Variants in BBS9 observed in about 807,000 individuals in gnomAD.
The protein encoded by BBS9 is protein PTHB1.
A neutral mutation model predicts 117.7 loss-of-function variants in BBS9; 89 were observed. That is an observed-to-expected ratio of 0.76 (90% CI 0.64 to 0.90). The LOEUF (loss-of-function observed/expected upper bound fraction) is 0.90. Ranked by LOEUF, BBS9 falls within the 40% of genes least tolerant of loss-of-function variation. The pLI is 0.00. For missense variants in BBS9, 982 were observed against 1,042.2 expected (o/e 0.94, Z 0.80); for synonymous variants, 379 against 370.9 (o/e 1.02, Z -0.25).
At chr7:33,197,346 T>C (rs942963299) in intron 5 of BBS9, among the ~76,000 whole-genome samples, 1 of 152,046 alleles carries the variant, frequency 6.6e-6, no homozygotes, top group African/African-American at 2.4e-5. Context: ...ATGAACTACT[T>C]TATTCAAGTG....
rs527379006 is a variant in BBS9 at position 33,332,643 on chromosome 7, T to C, written c.1017-3798T>C. On this transcript the variant is annotated intron_variant, in intron 9 of 22. Transcript: ENST00000242067. ...AGTGAGCTGAGATCACGCCACTGCA[T>C]TCCAGCCTGGGCAACAGAGCAAGGC... Among the ~76,000 whole-genome samples, 19 of 151,840 alleles carry C rather than the reference T, an allele frequency of 1.3e-4. No homozygotes were observed. In the East Asian group the frequency reaches 2.9e-3, roughly 23 times the overall value.
At chr7:33,188,111 T>TGTGTGTGTGTGTGTGTGTGGGGGGGGGG (rs1783443171) in intron 5 of BBS9, among the ~76,000 whole-genome samples, 1 of 4,996 alleles carries the variant, frequency 2.0e-4, no homozygotes. Flanking sequence ...TGTGTGTGTG[T>TGTGTGTGTGTGTGTGTGTGGGGGGGGGG]GGCGGGTGGG....
intron 4 of BBS9, chr7:33,157,752 C>G (rs1441696331): frequency 6.6e-6 from 1 of 152,216 alleles, no homozygotes; most frequent in African/African-American, 2.4e-5. Context: ...AGGAGCCTTT[C>G]TAAGGTCAGT....
chr7:33,411,964 G>A (rs991474319), intron 19 of BBS9, among the ~76,000 whole-genome samples: 2 of 152,002 alleles, frequency 1.3e-5, no homozygotes, highest in African/African-American at 4.8e-5. Flanking sequence ...TTACCATTGA[G>A]GATGATTATT....
chr7:33,261,818 G>A (rs765448589), intron 6 of BBS9, among the ~76,000 whole-genome samples: 25 of 152,178 alleles, frequency 1.6e-4, no homozygotes, highest in Non-Finnish European at 2.5e-4. Context: ...GTGTAGTTGC[G>A]ATTAGTGCCT....
intron 19 of BBS9, among the ~76,000 whole-genome samples, chr7:33,493,965 C>G (rs1475785668): frequency 2.0e-5 from 3 of 152,140 alleles, no homozygotes; most frequent in Non-Finnish European, 4.4e-5. Flanking sequence ...TAATCAAAAT[C>G]CATTTCTGAC....
chr7:33,581,520 C>T (rs1434753134), intron 21 of BBS9, among the ~76,000 whole-genome samples: 1 of 152,090 alleles, frequency 6.6e-6, no homozygotes, highest in African/African-American at 2.4e-5. Context: ...ATGTAACTTA[C>T]TCAGAGACTT....
At chr7:33,610,102 A>G (rs2700675), downstream of BBS9, among the ~76,000 whole-genome samples, 54,612 of 151,924 alleles carry the variant, frequency 0.36, 12,915 homozygotes, top group African/African-American at 0.67. Context: ...CTGAAGTTTA[A>G]GCCTGATTAG....
At chr7:33,519,945 G>A (rs970530721) in intron 20 of BBS9, among the ~76,000 whole-genome samples, 2 of 151,978 alleles carry the variant, frequency 1.3e-5, no homozygotes, top group African/African-American at 2.4e-5. Context: ...CCACTCATAG[G>A]GTAGTCGAGA....
At chr7:33,560,882 C>T (rs1386711973) in intron 21 of BBS9, among the ~76,000 whole-genome samples, 1 of 152,064 alleles carries the variant, frequency 6.6e-6, no homozygotes, top group Non-Finnish European at 1.5e-5. Flanking sequence ...AGCTCATTTC[C>T]TTTTGTCTTG....
intron 19 of BBS9, among the ~76,000 whole-genome samples, chr7:33,496,912 C>A (rs1167090805): frequency 6.6e-6 from 1 of 152,164 alleles, no homozygotes; most frequent in Non-Finnish European, 1.5e-5. Flanking sequence ...CAAATTGGAT[C>A]ATTTCATCCA....
intron 17 of BBS9, among the ~76,000 whole-genome samples, chr7:33,376,790 A>G (rs1173750964): frequency 1.3e-5 from 2 of 152,090 alleles, no homozygotes; most frequent in African/African-American, 4.8e-5. Flanking sequence ...AATTTCTCTA[A>G]TGATCAGTGA....
rs1338544730 is a variant in BBS9 at position 33,534,046 on chromosome 7, C to T, written c.2391C>T (p.Ser797=). Residue 797 remains serine, a synonymous_variant, in exon 21 of 23, where the codon AGC becomes AGT. Transcript: ENST00000242067. ...SSKEQALNLN[S]QLNIPKDTSQ... ...AGGAGCAGGCTTTGAACCTCAACAG[C>T]CAGCTGAACATACCCAAAGACACAA... The T allele has an allele frequency of 1.2e-6, 2 of 1,614,062 alleles. No individual in the cohort carries two copies. Among genetic ancestry groups the T allele is most frequent in the Admixed American group, 1.7e-5 (1 of 60,004 alleles).
intron 6 of BBS9, among the ~76,000 whole-genome samples, chr7:33,263,262 T>C (rs1798264424): frequency 1.3e-5 from 2 of 152,156 alleles, no homozygotes; most frequent in Admixed American, 1.3e-4. Flanking sequence ...AGTTGGTATA[T>C]GACATTTGAA....
At chr7:33,227,835 T>C (rs962363788) in intron 5 of BBS9, among the ~76,000 whole-genome samples, 3 of 152,166 alleles carry the variant, frequency 2.0e-5, no homozygotes, top group Non-Finnish European at 2.9e-5. Context: ...ATATATACCA[T>C]ATTTTCTTTA....
chr7:33,355,313 C>A lies in BBS9; in HGVS notation c.1552+2440C>A, dbSNP rs1584468499. Among the ~76,000 whole-genome samples the A allele has an allele frequency of 2.0e-5, 3 of 151,998 alleles. No individual in the cohort carries two copies. In the East Asian group the frequency reaches 5.8e-4, roughly 29 times the overall value. ...AGGTTTCCTAAGAAGGTGTAAATCC[C>A]AGTAGAAATGTGCCTCTGATGAACC... On this transcript the variant is annotated intron_variant, in intron 15 of 22. Coordinates refer to ENST00000242067, the MANE Select transcript of BBS9 (RefSeq NM_198428.3).
At chr7:33,609,783 C>A (rs76883542), downstream of BBS9, among the ~76,000 whole-genome samples, 1 of 152,160 alleles carries the variant, frequency 6.6e-6, no homozygotes. Flanking sequence ...TCTTATGACA[C>A]TGGCTTAAGT....
intron 9 of BBS9, among the ~76,000 whole-genome samples, chr7:33,324,201 A>AT (rs776302886): frequency 2.6e-5 from 4 of 151,798 alleles, no homozygotes; most frequent in Non-Finnish European, 5.9e-5. Flanking sequence ...CTTACTCTTT[A>AT]TTTTTTGTGT....
intron 5 of BBS9, among the ~76,000 whole-genome samples, chr7:33,190,326 T>C (rs1397493133): frequency 6.6e-6 from 1 of 152,136 alleles, no homozygotes; most frequent in Admixed American, 6.6e-5. Flanking sequence ...GGGATATTTA[T>C]ATTTTGAGCT....
Sources: gnomAD v4.1 joint callset for allele counts (sites outside exome capture counted in the v4.1 genomes callset) on GRCh38, gnomAD v4.1.1 for gene constraint, MANE v1.5 for transcripts, NCBI Gene and HGNC (gene_info 2026-07-23, HGNC 2026-07-21) for gene names.